The following CER1 variants were observed in gnomAD, a reference collection of about 807,000 sequenced individuals.
The protein encoded by CER1 is cerberus 1, DAN family BMP antagonist, also known as cerberus.
A neutral mutation model predicts 11.8 loss-of-function variants in CER1; 10 were observed. That is an observed-to-expected ratio of 0.85 (90% CI 0.52 to 1.44). CER1 has a LOEUF of 1.44. Among genes scored for constraint, CER1 ranks in the 40% most tolerant of loss-of-function variants. The pLI is 0.00. For missense variants in CER1, 431 were observed against 327.0 expected, an observed-to-expected ratio of 1.32 and a Z score of -2.45; for synonymous variants, 141 against 122.3, an observed-to-expected ratio of 1.15 and a Z score of -1.01.
downstream of CER1, among the ~76,000 whole-genome samples, chr9:14,718,389 A>C (rs1422613332): frequency 1.3e-5 from 2 of 152,204 alleles, no homozygotes; most frequent in African/African-American, 4.8e-5. Flanking sequence ...ATTAATGCTT[A>C]ACAATTTTAT....
chr9:14,719,334 C>T (rs1839972094), downstream of CER1, among the ~76,000 whole-genome samples: 1 of 152,068 alleles, frequency 6.6e-6, no homozygotes, highest in South Asian at 2.1e-4. Context: ...AGTCAGAGAC[C>T]TGACATTAAG....
intron 1 of CER1, among the ~76,000 whole-genome samples, chr9:14,721,743 T>C (rs966662055): frequency 6.6e-6 from 1 of 151,918 alleles, no homozygotes; most frequent in African/African-American, 2.4e-5. Flanking sequence ...ACAAATGGAG[T>C]TGACCTGCTC....
chr9:14,719,970 C>T lies in CER1; in HGVS notation c.*120G>A. ...TTTCCTCTATCGTTCTAATTTAAAA[C>T]TACGTTTCAAGTCACCTTTCCCTGA... On this transcript the variant is annotated 3_prime_UTR_variant, in exon 2 of 2. Coordinates refer to ENST00000380911, the MANE Select transcript of CER1 (RefSeq NM_005454.3). The T allele has an allele frequency of 4.5e-6, 4 of 888,938 alleles. No individual in the cohort carries two copies. In the South Asian group the frequency reaches 4.9e-5, roughly 11 times the overall value. The allele number at this position is 888,938 out of a possible 1,614,324, so 55.1% of individuals were successfully genotyped here.
rs1044116004 is a variant in CER1, at chr9:14,719,853, G to C, written c.*237C>G. On this transcript the variant is annotated 3_prime_UTR_variant, in exon 2 of 2. Coordinates refer to ENST00000380911, the MANE Select transcript of CER1 (RefSeq NM_005454.3). The stretch of plus-strand genomic sequence containing the variant: ...ATTTATAGATGAAAATCTTTAGATG[G>C]AGAAAGGTTTTACAACTTAACATTC... 3 of 480,988 alleles carry C rather than the reference G, an allele frequency of 6.2e-6. No homozygotes were observed. In the Admixed American group the frequency reaches 9.7e-5, roughly 15 times the overall value. 29.8% of individuals were successfully genotyped at this position (480,988 alleles called of 1,614,324 possible). A position where few individuals can be genotyped will look rare whatever the true frequency, so the allele number is the denominator to read the frequency against.
rs759313080 is a variant in CER1 at position 14,720,077 on chromosome 9, G to T, written c.*13C>A. Reference sequence around the variant, plus strand: ...GTGGTTTTGCTTTTCAAAGGTAATAGTGGGATAGCTCTTCAAGCTGAAACT... The same window carrying T: ...GTGGTTTTGCTTTTCAAAGGTAATATTGGGATAGCTCTTCAAGCTGAAACT... On this transcript the variant is annotated 3_prime_UTR_variant, in exon 2 of 2. Transcript: ENST00000380911. 23 of 1,609,576 alleles carry T rather than the reference G, an allele frequency of 1.4e-5. No individual in the cohort carries two copies. The highest frequency in any genetic ancestry group is 1.9e-5 in the Non-Finnish European group (22 of 1,176,288).
At chr9:14,718,970 A>G (rs753773866), downstream of CER1, among the ~76,000 whole-genome samples, 2 of 152,028 alleles carry the variant, frequency 1.3e-5, no homozygotes, top group African/African-American at 4.8e-5. Flanking sequence ...CATTTTTCAG[A>G]ATGCTTCATA....
At chr9:14,717,714 A>G (rs150974050), downstream of CER1, among the ~76,000 whole-genome samples, 1 of 152,338 alleles carries the variant, frequency 6.6e-6, no homozygotes, top group African/African-American at 2.4e-5. Flanking sequence ...GTAAGTGGTA[A>G]AAAGAAATTT....
intron 1 of CER1, among the ~76,000 whole-genome samples, chr9:14,721,225 C>T (rs1470802109): frequency 1.3e-5 from 2 of 152,260 alleles, no homozygotes; most frequent in East Asian, 3.9e-4. Flanking sequence ...AATTGGGTAG[C>T]ATTACTCGAC....
chr9:14,718,017 T>C (rs1163592460), downstream of CER1, among the ~76,000 whole-genome samples: 2 of 152,194 alleles, frequency 1.3e-5, no homozygotes, highest in Admixed American at 1.3e-4. Context: ...TCTTACATAT[T>C]ATGTTCAACC....
At chr9:14,721,544 T>C (rs1453997545) in intron 1 of CER1, among the ~76,000 whole-genome samples, 3 of 152,220 alleles carry the variant, frequency 2.0e-5, no homozygotes, top group Non-Finnish European at 4.4e-5. Flanking sequence ...ATCATAATAC[T>C]AGAAATGATA....
chr9:14,718,391 C>A (rs531488028), downstream of CER1, among the ~76,000 whole-genome samples: 7 of 152,296 alleles, frequency 4.6e-5, no homozygotes, highest in South Asian at 1.2e-3. Context: ...TAATGCTTAA[C>A]AATTTTATCC....
chr9:14,719,674 G>A (rs1298066612), downstream of CER1: 1 of 146,984 alleles, frequency 6.8e-6, no homozygotes, highest in African/African-American at 2.5e-5. Flanking sequence ...TTGCTTGCTG[G>A]TGATTTGACA....
At chr9:14,721,680 G>A (rs578028730) in intron 1 of CER1, among the ~76,000 whole-genome samples, 17 of 152,236 alleles carry the variant, frequency 1.1e-4, no homozygotes, top group South Asian at 4.2e-4. Flanking sequence ...TAAGACCATC[G>A]TAAATGGATA....
In CER1 at chr9:14,722,590, C is replaced by T. The variant is rs1266372708; in HGVS notation, c.83G>A (p.Ser28Asn). 1.2e-6 allele frequency: 2 copies of T among 1,612,606 alleles called. No individual in the cohort carries two copies. The highest frequency in any genetic ancestry group is 1.7e-5 in the Admixed American group (1 of 60,012). ...TRHQDGRQNQSSLSPVLLPRN... is the reference protein window; with the variant it reads ...TRHQDGRQNQNSLSPVLLPRN... ...TGGCAGGAGTACGGGGGAAAGAGAA[C>T]TCTGATTCTGGCGGCCATCCTGGTG... The change falls in exon 1 of 2, where the codon AGT becomes AAT. Residue 28 changes from serine (S) to asparagine (N), a missense_variant. Coordinates refer to ENST00000380911, the MANE Select transcript of CER1 (RefSeq NM_005454.3).
chr9:14,720,073 A>G lies in CER1; in HGVS notation c.*17T>C, dbSNP rs1839986104. The G allele has an allele frequency of 1.2e-6, 2 of 1,608,108 alleles. No homozygotes were observed. The highest frequency in any genetic ancestry group is 1.7e-5 in the Admixed American group (1 of 59,942). On this transcript the variant is annotated 3_prime_UTR_variant, in exon 2 of 2. Coordinates refer to ENST00000380911, the MANE Select transcript of CER1 (RefSeq NM_005454.3). ...TGTTGTGGTTTTGCTTTTCAAAGGT[A>G]ATAGTGGGATAGCTCTTCAAGCTGA...
rs1339875707 is a variant in CER1, at chr9:14,722,330, G to A, written c.343C>T (p.Pro115Ser). 1 of 1,614,096 alleles carries A rather than the reference G, an allele frequency of 6.2e-7. No individual in the cohort carries two copies. The highest frequency in any genetic ancestry group is 2.2e-5 in the East Asian group (1 of 44,892). The change falls in exon 1 of 2, where the codon CCG becomes TCG. Residue 115 changes from proline (P) to serine (S), a missense_variant. Pro to Ser is a moderately conservative substitution (Grantham distance 74, BLOSUM62 -1). Coordinates refer to ENST00000380911, the MANE Select transcript of CER1 (RefSeq NM_005454.3). ...TTCTCCATTTTCATTCCATCTATCGGCTGGATGAGGGACTGGGTCCCAGGT... is the reference window on the plus strand; with the variant it reads ...TTCTCCATTTTCATTCCATCTATCGACTGGATGAGGGACTGGGTCCCAGGT... ...FPPGTQSLIQ[P>S]IDGMKMEKSP...
downstream of CER1, among the ~76,000 whole-genome samples, chr9:14,718,435 T>C (rs1002862998): frequency 2.0e-5 from 3 of 152,318 alleles, no homozygotes; most frequent in Middle Eastern, 6.8e-3. Flanking sequence ...AGGTTGCCTT[T>C]GACCACCAAA....
chr9:14,720,299 C>T lies in CER1; in HGVS notation c.595G>A (p.Ala199Thr), dbSNP rs748038785. 2.2e-5 allele frequency: 35 copies of T among 1,613,896 alleles called. No homozygotes were observed. Among genetic ancestry groups the T allele is most frequent in the East Asian group, 6.7e-5 (3 of 44,896 alleles). Reference protein sequence around the residue: ...KCGSVHFPGAAQHSHTSCSHC... With the variant: ...KCGSVHFPGATQHSHTSCSHC... ...GAGCAGGAGGTATGGGAGTGCTGCG[C>T]GGCTCCAGGAAAATGAACAGACCCG... The change falls in exon 2 of 2, where the codon GCG becomes ACG. Residue 199 changes from alanine (A) to threonine (T), a missense_variant. By Grantham distance (58) the Ala-to-Thr change is moderately conservative. Transcript: ENST00000380911.
At chr9:14,722,026 C>G (rs1261695976) in intron 1 of CER1, 140 bp downstream of exon 1, 22 of 971,712 alleles carry the variant, frequency 2.3e-5, no homozygotes. Flanking sequence ...TTTGCCAAAT[C>G]CTATGATGAA....
Sources: gnomAD v4.1 joint callset for allele counts (sites outside exome capture counted in the v4.1 genomes callset) on GRCh38, gnomAD v4.1.1 for gene constraint, MANE v1.5 for transcripts, NCBI Gene and HGNC (gene_info 2026-07-23, HGNC 2026-07-21) for gene names.